MRS2: variants seen among roughly 807,000 people sequenced by gnomAD.
MRS2 encodes the protein magnesium transporter MRS2 homolog, mitochondrial.
A neutral mutation model predicts 52.6 loss-of-function variants in MRS2; 40 were observed. The ratio of observed to expected loss-of-function variants is 0.76; its 90% confidence interval spans 0.59 to 0.99. The LOEUF (loss-of-function observed/expected upper bound fraction) is 0.99. Among genes scored for constraint, MRS2 ranks in the 50% least tolerant of loss-of-function variants. The probability of loss-of-function intolerance (pLI) is 0.00; values close to 1 mark genes in which losing one functional copy is unlikely to be tolerated. For missense variants in MRS2, 472 were observed against 532.7 expected (o/e 0.89, Z 1.12); for synonymous variants, 193 against 195.9 (o/e 0.98, Z 0.13).
At chr6:24,408,504 T>C in intron 3 of MRS2, 60 bp downstream of exon 3, 1 of 1,177,040 alleles carries the variant, frequency 8.5e-7, no homozygotes, top group Non-Finnish European at 1.3e-6. Flanking sequence ...CTGATAGAAA[T>C]CAAGAAATTG....
At chr6:24,423,397 G>A (rs999020259) in intron 10 of MRS2, 187 bp from the exon 11 acceptor site, 32 of 491,872 alleles carry the variant, frequency 6.5e-5, no homozygotes, top group South Asian at 6.7e-5. Context: ...CATTTATAAC[G>A]TTCTTAAAAG....
intron 2 of MRS2, among the ~76,000 whole-genome samples, chr6:24,406,540 G>A (rs1405005604): frequency 3.9e-5 from 6 of 152,146 alleles, no homozygotes; most frequent in Admixed American, 3.9e-4. Context: ...TTGGGAGGCT[G>A]AGGTGGGCAT....
chr6:24,405,027 G>A (rs992346047), intron 1 of MRS2, 141 bp from the exon 2 acceptor site: 27 of 572,770 alleles, frequency 4.7e-5, no homozygotes, highest in Non-Finnish European at 8.3e-5. Flanking sequence ...ATTAAGAAGA[G>A]TATTTCTTCT....
intron 1 of MRS2, among the ~76,000 whole-genome samples, chr6:24,404,247 T>G (rs1761386264): frequency 8.4e-6 from 1 of 118,422 alleles, no homozygotes; most frequent in Non-Finnish European, 2.1e-5. Context: ...TGGAGGAAAC[T>G]TTTAGGACAA....
chr6:24,414,936 C>A, intron 5 of MRS2, 97 bp from the exon 6 acceptor site: 3 of 1,081,864 alleles, frequency 2.8e-6, no homozygotes, highest in African/African-American at 1.6e-5. Context: ...GCATTTCAAG[C>A]TACTACAGAT....
intron 9 of MRS2, among the ~76,000 whole-genome samples, chr6:24,421,641 ATTAT>A (rs757175857): frequency 7.2e-4 from 93 of 128,598 alleles, no homozygotes; most frequent in Non-Finnish European, 1.4e-3. Context: ...TATTCTCTAA[ATTAT>A]TTGAGACTAA....
intron 6 of MRS2, among the ~76,000 whole-genome samples, 173 bp from the exon 7 acceptor site, chr6:24,416,224 T>C (rs374725394): frequency 1.8e-4 from 28 of 152,178 alleles, no homozygotes; most frequent in South Asian, 8.3e-4. Flanking sequence ...CCTGGCCAAA[T>C]TGATTCTTAA....
At chr6:24,405,862 T>TTGG (rs1761455555) in intron 2 of MRS2, among the ~76,000 whole-genome samples, 1 of 150,752 alleles carries the variant, frequency 6.6e-6, no homozygotes, top group Non-Finnish European at 1.5e-5. Flanking sequence ...TTCCAACACT[T>TTGG]TGGGAGGCCG....
At chr6:24,416,535 G>A (rs1561812069) in intron 7 of MRS2, 22 bp downstream of exon 7, 2 of 1,146,990 alleles carry the variant, frequency 1.7e-6, no homozygotes, top group African/African-American at 1.5e-5. Context: ...ATTATACTTT[G>A]TTATTTATTT....
intron 6 of MRS2, among the ~76,000 whole-genome samples, chr6:24,415,837 G>GT (rs1761831617): frequency 6.6e-6 from 1 of 152,162 alleles, no homozygotes; most frequent in Admixed American, 6.5e-5. Context: ...TCTGGTTTGG[G>GT]TTTTTTGTGG....
rs577882628 is a variant in MRS2, at chr6:24,417,770, C to T, written c.837-314C>T. On this transcript the variant is annotated intron_variant, in intron 7 of 10. Transcript: ENST00000378386. ...CAGCCTGTCCAATATGGTGAAACCC[C>T]ATCTCTACTAAAAATACAAAAATTA... 2.6e-3 allele frequency among the ~76,000 whole-genome samples: 401 copies of T among 151,532 alleles called. 2 individuals are homozygous for T. The highest frequency in any genetic ancestry group is 0.01 in the Middle Eastern group (3 of 292).
At position 24,408,410 on chromosome 6, in the gene MRS2, A is replaced by G; in HGVS notation, c.267A>G (p.Thr89=). The G allele has an allele frequency of 1.3e-6, 2 of 1,581,806 alleles. No homozygotes were observed. The highest frequency in any genetic ancestry group is 1.1e-5 in the South Asian group (1 of 89,956). ...LASVAPVFTV[T]KFDKQGNVTS... is the part of the protein sequence containing the mutation. ...TTTGTTTTATTCTCTATTTTCAGACAAAATTTGACAAACAGGGAAACGTTA... is the reference window on the plus strand; with the variant it reads ...TTTGTTTTATTCTCTATTTTCAGACGAAATTTGACAAACAGGGAAACGTTA... Residue 89 remains threonine (T), a splice_region_variant and synonymous_variant, in exon 3 of 11, where the codon ACA becomes ACG. Transcript: ENST00000378386.
intron 3 of MRS2, 139 bp downstream of exon 3, chr6:24,408,583 C>G: frequency 1.5e-6 from 1 of 658,530 alleles, no homozygotes; most frequent in Non-Finnish European, 2.7e-6. Flanking sequence ...CAGCATTTGT[C>G]CATCAGTCTT....
At chr6:24,405,488 C>T (rs929479052) in intron 2 of MRS2, among the ~76,000 whole-genome samples, 7 of 152,038 alleles carry the variant, frequency 4.6e-5, no homozygotes, top group Admixed American at 2.0e-4. Context: ...AATTCAGAGC[C>T]ATAAAGAGGC....
intron 9 of MRS2, among the ~76,000 whole-genome samples, chr6:24,420,474 C>T (rs1266030059): frequency 6.6e-6 from 1 of 152,190 alleles, no homozygotes; most frequent in African/African-American, 2.4e-5. Context: ...TCATTCATCT[C>T]ACAAATACGT....
In MRS2 at chr6:24,425,566, T is replaced by C. The variant is rs1429000007; in HGVS notation, c.*1872T>C. ...CTTATACTAAAGTTCTCATAAATAA[T>C]AAATCAGCTTATGCCAAAAATATAT... On this transcript the variant is annotated 3_prime_UTR_variant, in exon 11 of 11. Transcript: ENST00000378386. 6.6e-6 allele frequency: 1 copy of C among 152,246 alleles called. No individual in the cohort carries two copies. The highest frequency in any genetic ancestry group is 1.5e-5 in the Non-Finnish European group (1 of 68,038). The allele number at this position is 152,246 out of a possible 1,614,324, so 9.4% of individuals were successfully genotyped here.
In MRS2 at chr6:24,426,118, T is replaced by C. The variant is rs1168461327; in HGVS notation, c.*2424T>C. The C allele has an allele frequency of 6.6e-6, 1 of 152,196 alleles. No individual in the cohort carries two copies. The highest frequency in any genetic ancestry group is 1.5e-5 in the Non-Finnish European group (1 of 68,038). 9.4% of individuals were successfully genotyped at this position (152,196 alleles called of 1,614,324 possible). ...AGAAAAGCTGTTACATATACGCAGATAGTAGCAAGACAGAAAATGCAAATA... is the reference window on the plus strand; with the variant it reads ...AGAAAAGCTGTTACATATACGCAGACAGTAGCAAGACAGAAAATGCAAATA... On this transcript the variant is annotated 3_prime_UTR_variant, in exon 11 of 11. Coordinates refer to ENST00000378386, the MANE Select transcript of MRS2 (RefSeq NM_020662.4).
chr6:24,418,236 G>C lies in MRS2; in HGVS notation c.989G>C (p.Ser330Thr). 3 of 1,580,602 alleles carry C rather than the reference G, an allele frequency of 1.9e-6. No homozygotes were observed. Among genetic ancestry groups the C allele is most frequent in the Non-Finnish European group, 2.6e-6 (3 of 1,168,736 alleles). ...SQSIIFINLD[S>T]HRNVMMRLNL... is the part of the protein sequence containing the mutation. ...AGTATTATTTTCATTAATCTGGACA[G>C]GTAAGAAAGCATTATATAAAACTAA... Residue 330 changes from serine to threonine, a missense_variant and splice_region_variant, in exon 8 of 11, where the codon AGC (serine) becomes ACC (threonine). Transcript: ENST00000378386.
chr6:24,408,226 A>T (rs966565930), intron 2 of MRS2, among the ~76,000 whole-genome samples, 182 bp from the exon 3 acceptor site: 5 of 152,180 alleles, frequency 3.3e-5, no homozygotes, highest in South Asian at 2.1e-4. Context: ...AAAGGATTTT[A>T]AAAAAACCCT....
Sources: allele counts gnomAD v4.1 joint callset (sites outside exome capture counted in the v4.1 genomes callset), GRCh38; gene constraint gnomAD v4.1.1; transcripts MANE v1.5; gene names NCBI Gene and HGNC (gene_info 2026-07-23, HGNC 2026-07-21).